CELF2: variants seen among roughly 807,000 people sequenced by gnomAD.
CELF2 encodes the protein CUGBP Elav-like family member 2.
In CELF2, 8 loss-of-function variants were observed where a neutral mutation model predicts 62.6. The ratio of observed to expected loss-of-function variants is 0.13; its 90% CI spans 0.07 to 0.23. The LOEUF (loss-of-function observed/expected upper bound fraction) is 0.23. Among genes scored for constraint, CELF2 ranks in the 10% least tolerant of loss-of-function variants. CELF2 has a pLI of 1.00. For missense variants in CELF2, 333 were observed against 671.0 expected (o/e 0.50, Z 5.56); for synonymous variants, 258 against 250.0 (o/e 1.03, Z -0.30).
Position 11,244,876 on chromosome 10 carries a change from G to A in CELF2, c.355-4277G>A, listed in dbSNP as rs913750632. Among the ~76,000 whole-genome samples, 1 of 152,102 alleles carries A rather than the reference G, an allele frequency of 6.6e-6. No homozygotes were observed. Among genetic ancestry groups the A allele is most frequent in the African/African-American group, 2.4e-5 (1 of 41,408 alleles). ...ATGCAGACATAGCTTCATCTGAGAC[G>A]CCTTCCCCAGCGTGTCCTTCCTCCA... is the stretch of plus-strand genomic sequence containing the variant. On this transcript the variant is annotated intron_variant, in intron 3 of 12. Coordinates refer to ENST00000633077, the MANE Select transcript of CELF2 (RefSeq NM_001326342.2). The surrounding 1 kb of genome is among the most constrained non-coding windows in gnomAD (Gnocchi z 4.2).
Position 11,332,774 on chromosome 10 carries a change from T to C in CELF2, c.*3721T>C, listed in dbSNP as rs2096053367. On this transcript the variant is annotated 3_prime_UTR_variant, in exon 13 of 13. Coordinates refer to ENST00000633077, the MANE Select transcript of CELF2 (RefSeq NM_001326342.2). ...AACAAAAAGCAACACAAACGTTTCCTTCTTATAGCACATGCACTTCCTTAC... is the reference window on the plus strand; with the variant it reads ...AACAAAAAGCAACACAAACGTTTCCCTCTTATAGCACATGCACTTCCTTAC... 6.5e-6 allele frequency: 1 copy of C among 152,696 alleles called. No individual in the cohort carries two copies. The highest frequency in any genetic ancestry group is 1.5e-5 in the Non-Finnish European group (1 of 68,074). 9.5% of individuals were successfully genotyped at this position (152,696 alleles called of 1,614,324 possible). A position where few individuals can be genotyped will look rare whatever the true frequency, so the allele number is the denominator to read the frequency against.
chr10:10,734,066 A>C, the CELF2 span, among the ~76,000 whole-genome samples: 5 of 152,192 alleles, frequency 3.3e-5, no homozygotes, highest in African/African-American at 1.2e-4. Flanking sequence ...AACAAACCTC[A>C]ATAAGACCCT....
intron 2 of CELF2, among the ~76,000 whole-genome samples, chr10:11,166,612 CTGT>C (rs1565040078): frequency 6.6e-6 from 1 of 152,204 alleles, no homozygotes; most frequent in Non-Finnish European, 1.5e-5. Flanking sequence ...GGAGTCCTCT[CTGT>C]TGTTCTGCGG....
chr10:10,815,955 G>A (rs1350974004), intron 1 of CELF2, among the ~76,000 whole-genome samples: 2 of 138,438 alleles, frequency 1.4e-5, no homozygotes, highest in East Asian at 2.2e-4. Context: ...TTTGATCATC[G>A]TTTCTTATTT....
the CELF2 span, chr10:10,792,616 G>A: frequency 2.5e-6 from 1 of 392,322 alleles, no homozygotes; most frequent in Admixed American, 4.4e-5. Context: ...AATGTTTCAG[G>A]TGTGATTCCC....
the CELF2 span, among the ~76,000 whole-genome samples, chr10:10,555,263 C>T: frequency 4.7e-5 from 7 of 148,416 alleles, no homozygotes; most frequent in Admixed American, 4.7e-4. Context: ...CAGAGAGAAA[C>T]CTGGGAGGCC....
chr10:11,003,524 A>G (rs369299819), upstream of CELF2, among the ~76,000 whole-genome samples: 2 of 152,184 alleles, frequency 1.3e-5, no homozygotes, highest in African/African-American at 4.8e-5. This position sits in a 1 kb window ranked among gnomAD's most constrained non-coding sequence, Gnocchi z 4.4. Flanking sequence ...ATTTACGCTG[A>G]CTGAACACAC....
chr10:10,594,404 G>C, the CELF2 span, among the ~76,000 whole-genome samples: 3 of 141,918 alleles, frequency 2.1e-5, no homozygotes, highest in African/African-American at 5.0e-5. Flanking sequence ...CATTTAGTTC[G>C]AGCTAACCTG....
chr10:10,532,729 T>A, the CELF2 span, among the ~76,000 whole-genome samples: 587 of 152,252 alleles, frequency 3.9e-3, 5 homozygotes, highest in African/African-American at 0.013. Context: ...TTTTAGGTAT[T>A]TATCTTTGTA....
chr10:11,150,235 T>G (rs1366798283), intron 1 of CELF2, among the ~76,000 whole-genome samples: 1 of 152,196 alleles, frequency 6.6e-6, no homozygotes, highest in South Asian at 2.1e-4. Flanking sequence ...AATGTAGAGC[T>G]GAAGGCAAGA....
the CELF2 span, among the ~76,000 whole-genome samples, chr10:10,601,899 C>T: frequency 0.056 from 8,519 of 152,080 alleles, 341 homozygotes; most frequent in Middle Eastern, 0.12. Flanking sequence ...CAAACCCCAC[C>T]CCTCAGCGGG....
chr10:10,751,360 C>T, the CELF2 span, among the ~76,000 whole-genome samples: 1 of 152,180 alleles, frequency 6.6e-6, no homozygotes. Context: ...ACACAAATGT[C>T]CTGGAAAGTA....
chr10:10,495,082 C>A, the CELF2 span, among the ~76,000 whole-genome samples: 2 of 151,808 alleles, frequency 1.3e-5, no homozygotes, highest in African/African-American at 4.9e-5. Flanking sequence ...CGAGACCATC[C>A]TGGCTAACAT....
the CELF2 span, among the ~76,000 whole-genome samples, chr10:10,649,905 C>T: frequency 6.6e-6 from 1 of 152,114 alleles, no homozygotes; most frequent in Non-Finnish European, 1.5e-5. Context: ...CTTCTGCCAC[C>T]TTCACATCGA....
intron 2 of CELF2, among the ~76,000 whole-genome samples, chr10:11,195,233 C>T (rs891605540): frequency 7.2e-5 from 11 of 152,242 alleles, no homozygotes; most frequent in African/African-American, 1.7e-4. Context: ...CGAGACTATC[C>T]TCCAAGTGCT....
chr10:10,921,756 T>G (rs2064940785), intron 2 of CELF2, among the ~76,000 whole-genome samples: 1 of 151,862 alleles, frequency 6.6e-6, no homozygotes, highest in Admixed American at 6.6e-5. Flanking sequence ...GAAAGGGGTG[T>G]GTGGATTCAG....
the CELF2 span, among the ~76,000 whole-genome samples, chr10:10,754,179 C>T: frequency 6.9e-6 from 1 of 145,414 alleles, no homozygotes; most frequent in Admixed American, 7.2e-5. Flanking sequence ...GAGTCTTACT[C>T]TGTCACCCAG....
chr10:10,468,989 G>T, the CELF2 span, among the ~76,000 whole-genome samples: 1 of 151,734 alleles, frequency 6.6e-6, no homozygotes, highest in Admixed American at 6.6e-5. Context: ...TAAAAAGTTA[G>T]TATGAACTTA....
chr10:11,082,031 TCA>T (rs1447216680), intron 1 of CELF2, among the ~76,000 whole-genome samples: 1 of 152,170 alleles, frequency 6.6e-6, no homozygotes, highest in African/African-American at 2.4e-5. Context: ...GGCCAGTTTA[TCA>T]CAGAGTGGCA....
Sources: gnomAD v4.1 joint callset for allele counts (sites outside exome capture counted in the v4.1 genomes callset) on GRCh38, gnomAD v4.1.1 for gene constraint, Gnocchi (gnomAD v3.1) non-coding constraint, MANE v1.5 for transcripts, NCBI Gene and HGNC (gene_info 2026-07-23, HGNC 2026-07-21) for gene names.